Variants in RPS6KA1 observed in about 807,000 individuals in gnomAD.
RPS6KA1 encodes ribosomal protein S6 kinase A1.
A neutral mutation model predicts 91.3 loss-of-function variants in RPS6KA1; 48 were observed. The ratio of observed to expected loss-of-function variants is 0.53; its 90% CI spans 0.42 to 0.67. The LOEUF is 0.67. Ranked by LOEUF, RPS6KA1 falls within the 30% of genes least tolerant of loss-of-function variation. The pLI is 0.00. For synonymous variants in RPS6KA1, 359 were observed against 384.7 expected, an observed-to-expected ratio of 0.93 and a Z score of 0.78; for missense variants, 719 against 960.5, an observed-to-expected ratio of 0.75 and a Z score of 3.32.
At chr1:26,533,173 G>A (rs558405417) in intron 1 of RPS6KA1, among the ~76,000 whole-genome samples, 31 of 152,176 alleles carry the variant, frequency 2.0e-4, no homozygotes, top group African/African-American at 6.5e-4. Flanking sequence ...TCCACCTCCC[G>A]GGTTCAAGTG....
rs986753589 is a variant in RPS6KA1, at chr1:26,540,648, T to G, written c.108+3679T>G. On this transcript the variant is annotated intron_variant, in intron 2 of 21. Coordinates refer to ENST00000374168, the MANE Select transcript of RPS6KA1 (RefSeq NM_002953.4). This position sits in a 1 kb window ranked among gnomAD's most constrained non-coding sequence, Gnocchi z 4.2. ...TGGAGTGCAGTGGTACAACCACAGC[T>G]CACTGTAGCCTTGACCTCCTAGGCT... Among the ~76,000 whole-genome samples the G allele has an allele frequency of 7.9e-5, 12 of 152,214 alleles. No individual in the cohort carries two copies. The highest frequency in any genetic ancestry group is 2.9e-4 in the African/African-American group (12 of 41,464).
Position 26,554,885 on chromosome 1 carries a change from TTTC to T in RPS6KA1, c.756+151_756+153del. 8.6e-7 allele frequency: 1 copy of T among 1,169,042 alleles called. No homozygotes were observed. The highest frequency in any genetic ancestry group is 1.2e-6 in the Non-Finnish European group (1 of 829,592). 72.4% of individuals were successfully genotyped at this position (1,169,042 alleles called of 1,614,324 possible). A position where few individuals can be genotyped will look rare whatever the true frequency, so the allele number is the denominator to read the frequency against. On this transcript the variant is annotated intron_variant, in intron 9 of 21. Coordinates refer to ENST00000374168, the MANE Select transcript of RPS6KA1 (RefSeq NM_002953.4). This position sits in a 1 kb window ranked among gnomAD's most constrained non-coding sequence, Gnocchi z 4.6. ...GCCTCACCCTATATGCACCTGCAGT[TTTC>T]TTCCTTGGAAGGATCCCAGGCTTGA...
intron 17 of RPS6KA1, among the ~76,000 whole-genome samples, chr1:26,563,877 C>A (rs1248601399): frequency 1.3e-5 from 2 of 152,124 alleles, no homozygotes; most frequent in Non-Finnish European, 2.9e-5. Flanking sequence ...AATCCCAGCA[C>A]TTTGGGAAGC....
chr1:26,553,299 G>T, intron 6 of RPS6KA1, 92 bp from the exon 7 acceptor site: 1 of 794,824 alleles, frequency 1.3e-6, no homozygotes, highest in Admixed American at 1.9e-5. Context: ...TCCCAGGGTG[G>T]CTCTTCAGGA....
In RPS6KA1 at chr1:26,574,208, A is replaced by G. The variant is rs1177968364; in HGVS notation, c.*7A>G. 1.9e-6 allele frequency: 3 copies of G among 1,614,024 alleles called. No individual in the cohort carries two copies. Among genetic ancestry groups the G allele is most frequent in the Non-Finnish European group, 2.5e-6 (3 of 1,179,992 alleles). On this transcript the variant is annotated 3_prime_UTR_variant, in exon 22 of 22. Coordinates refer to ENST00000374168, the MANE Select transcript of RPS6KA1 (RefSeq NM_002953.4). The surrounding 1 kb of genome is among the most constrained non-coding windows in gnomAD (Gnocchi z 4.3). ...GCCATCCACCACCCTGTGAGGCACCAGGGCATTCGGGCCACAGGGCGGTGC... is the reference window on the plus strand; with the variant it reads ...GCCATCCACCACCCTGTGAGGCACCGGGGCATTCGGGCCACAGGGCGGTGC...
rs1432247082 is a variant in RPS6KA1, at chr1:26,561,721, G to A, written c.1590+58G>A. On this transcript the variant is annotated intron_variant, in intron 17 of 21. Coordinates refer to ENST00000374168, the MANE Select transcript of RPS6KA1 (RefSeq NM_002953.4). This position sits in a 1 kb window ranked among gnomAD's most constrained non-coding sequence, Gnocchi z 5.7. ...TGCCAAGGGTCATATCATCAGCAGA[G>A]AACATGAACCACCTGCTGGCCCAGG... 4.0e-6 allele frequency: 6 copies of A among 1,502,204 alleles called. No individual in the cohort carries two copies. In the East Asian group the frequency reaches 1.2e-4, roughly 29 times the overall value. The allele number at this position is 1,502,204 out of a possible 1,614,324, so 93.1% of individuals were successfully genotyped here.
At chr1:26,546,740 C>T (rs1365387061) in intron 2 of RPS6KA1, 127 bp from the exon 3 acceptor site, 2 of 680,782 alleles carry the variant, frequency 2.9e-6, no homozygotes, top group Non-Finnish European at 5.2e-6. Flanking sequence ...GCTAGCCCTT[C>T]AGGGAAGTCG....
intron 2 of RPS6KA1, among the ~76,000 whole-genome samples, chr1:26,542,659 C>T (rs2075957419): frequency 6.6e-6 from 1 of 152,180 alleles, no homozygotes; most frequent in South Asian, 2.1e-4. Flanking sequence ...GGCAGCTGAG[C>T]AGGGCAGGAC....
chr1:26,574,758 G>GCGACCACCGA lies in RPS6KA1; in HGVS notation c.*557_*558insCGACCACCGA. The GCGACCACCGA allele has an allele frequency of 3.6e-6, 1 of 276,888 alleles. No individual in the cohort carries two copies. The highest frequency in any genetic ancestry group is 7.2e-6 in the Non-Finnish European group (1 of 138,762). The allele number at this position is 276,888 out of a possible 1,614,324, so 17.2% of individuals were successfully genotyped here. ...CTAGAACCACTTCCTGCTACAGGAG[G>GCGACCACCGA]GGTCTCATGTCCTGCTGGCTTCCAG... On this transcript the variant is annotated 3_prime_UTR_variant, in exon 22 of 22. Transcript: ENST00000374168. The surrounding 1 kb of genome is among the most constrained non-coding windows in gnomAD (Gnocchi z 4.3).
At chr1:26,530,121 T>C (rs1389685975) in intron 1 of RPS6KA1, 138 bp downstream of exon 1, 4 of 453,584 alleles carry the variant, frequency 8.8e-6, no homozygotes, top group Non-Finnish European at 6.9e-6. Flanking sequence ...TTGCCCACTG[T>C]CCGGCTCCAC....
intron 4 of RPS6KA1, among the ~76,000 whole-genome samples, chr1:26,550,870 T>A (rs1020038293): frequency 1.3e-5 from 2 of 151,926 alleles, no homozygotes; most frequent in Non-Finnish European, 2.9e-5. Context: ...TTTAAAAAAA[T>A]AAATAAATAA....
chr1:26,536,859 A>G (rs1194217740), intron 1 of RPS6KA1, 66 bp from the exon 2 acceptor site: 2 of 1,585,840 alleles, frequency 1.3e-6, no homozygotes, highest in Non-Finnish European at 8.7e-7. Context: ...GGGGTGCCCC[A>G]CAGAGTCTTT....
At chr1:26,572,796 G>A (rs930052271) in intron 20 of RPS6KA1, among the ~76,000 whole-genome samples, 9 of 152,112 alleles carry the variant, frequency 5.9e-5, no homozygotes, top group Admixed American at 3.3e-4. Flanking sequence ...CTCTATGTAC[G>A]GCCGGCCACC....
chr1:26,538,637 G>T (rs963362043), intron 2 of RPS6KA1, among the ~76,000 whole-genome samples: 1 of 152,194 alleles, frequency 6.6e-6, no homozygotes, highest in Non-Finnish European at 1.5e-5. Context: ...GAGGTAGATT[G>T]TTACTGTCCC....
rs2076124316 is a variant in RPS6KA1, at chr1:26,558,390, A to T, written c.1085-417A>T. ...GGATCACAGGGCCCTCAATTGCCAG[A>T]CTCAGGAGCTGGACTTACTCCTGAA... On this transcript the variant is annotated intron_variant, in intron 13 of 21. Coordinates refer to ENST00000374168, the MANE Select transcript of RPS6KA1 (RefSeq NM_002953.4). This position sits in a 1 kb window ranked among gnomAD's most constrained non-coding sequence, Gnocchi z 4.0. Among the ~76,000 whole-genome samples the T allele has an allele frequency of 6.6e-6, 1 of 152,124 alleles. No homozygotes were observed. The highest frequency in any genetic ancestry group is 2.1e-4 in the South Asian group (1 of 4,832).
chr1:26,555,744 A>G lies in RPS6KA1; in HGVS notation c.916+119A>G. The G allele has an allele frequency of 4.0e-6, 4 of 995,478 alleles. No homozygotes were observed. Among genetic ancestry groups the G allele is most frequent in the East Asian group, 2.6e-5 (1 of 38,212 alleles). The allele number at this position is 995,478 out of a possible 1,614,324, so 61.7% of individuals were successfully genotyped here. The stretch of plus-strand genomic sequence containing the variant: ...GCCGTTGTCCTTTGTGTGGGCAGAC[A>G]ATGCCGCGGGCCACCCTGCTTTCTG... On this transcript the variant is annotated intron_variant, in intron 11 of 21. Transcript: ENST00000374168. This position sits in a 1 kb window ranked among gnomAD's most constrained non-coding sequence, Gnocchi z 4.3.
chr1:26,558,821 C>T lies in RPS6KA1; in HGVS notation c.1099C>T (p.Pro367Ser). The T allele has an allele frequency of 6.2e-7, 1 of 1,608,838 alleles. No homozygotes were observed. Among genetic ancestry groups the T allele is most frequent in the South Asian group, 1.1e-5 (1 of 90,890 alleles). Reference sequence around the variant, plus strand: ...CATCCGTACAGATTCCCCAGGCATCCCCCCCAGCGCTGGGGCCCATCAGCT... The same window carrying T: ...CATCCGTACAGATTCCCCAGGCATCTCCCCCAGCGCTGGGGCCCATCAGCT... ...SRTPKDSPGI[P>S]PSAGAHQLFR... The change falls in exon 14 of 22, where the codon CCC becomes TCC. Residue 367 changes from proline to serine, a missense_variant. Pro to Ser is a moderately conservative substitution (Grantham distance 74). This residue lies in a region of RPS6KA1 where 228 missense variants were observed against 247.6 expected (regional missense o/e 0.92). Coordinates refer to ENST00000374168, the MANE Select transcript of RPS6KA1 (RefSeq NM_002953.4). This position sits in a 1 kb window ranked among gnomAD's most constrained non-coding sequence, Gnocchi z 4.0.
At chr1:26,541,664 T>G (rs947882599) in intron 2 of RPS6KA1, among the ~76,000 whole-genome samples, 2 of 152,206 alleles carry the variant, frequency 1.3e-5, no homozygotes, top group Non-Finnish European at 2.9e-5. Flanking sequence ...CAGCTCCCCC[T>G]CAAGGCTGCC....
chr1:26,553,022 A>G (rs2076066819), intron 6 of RPS6KA1: 1 of 259,738 alleles, frequency 3.9e-6, no homozygotes, highest in Non-Finnish European at 7.8e-6. Flanking sequence ...ACTGTTCTGT[A>G]CCTTGCTTTT....
Sources: gnomAD v4.1 joint callset for allele counts (sites outside exome capture counted in the v4.1 genomes callset) on GRCh38, gnomAD v4.1.1 for gene constraint, gnomAD v4.1.1 regional missense constraint, Gnocchi (gnomAD v3.1) non-coding constraint, MANE v1.5 for transcripts, NCBI Gene and HGNC (gene_info 2026-07-23, HGNC 2026-07-21) for gene names.